The following AK3 variants were observed in gnomAD, a reference collection of about 807,000 sequenced individuals.
AK3 encodes GTP:AMP phosphotransferase AK3, mitochondrial.
A neutral mutation model predicts 23.7 loss-of-function variants in AK3; 27 were observed. The observed-to-expected ratio is 1.14, with a 90% CI of 0.84 to 1.57. The LOEUF (loss-of-function observed/expected upper bound fraction) is 1.57. Ranked by LOEUF, AK3 falls within the 40% of genes most tolerant of loss-of-function variation. The pLI is 0.00. For missense variants in AK3, 406 were observed against 285.6 expected (o/e 1.42, Z -3.04); for synonymous variants, 159 against 116.0 (o/e 1.37, Z -2.38).
chr9:4,723,858 G>A (rs1037274145), intron 1 of AK3, among the ~76,000 whole-genome samples: 16 of 151,938 alleles, frequency 1.1e-4, no homozygotes, highest in African/African-American at 3.9e-4. Flanking sequence ...ACTCCTCTTT[G>A]GGATTATTTC....
intron 1 of AK3, among the ~76,000 whole-genome samples, chr9:4,723,461 T>C (rs1462612427): frequency 6.6e-6 from 1 of 152,220 alleles, no homozygotes; most frequent in African/African-American, 2.4e-5. Flanking sequence ...ATGTTATATT[T>C]TTATTAACAA....
chr9:4,710,832 C>A lies in AK3; in HGVS notation c.*2144G>T, dbSNP rs1841543125. The A allele has an allele frequency of 6.6e-6, 1 of 152,038 alleles. No individual in the cohort carries two copies. Among genetic ancestry groups the A allele is most frequent in the African/African-American group, 2.4e-5 (1 of 41,378 alleles). 9.4% of individuals were successfully genotyped at this position (152,038 alleles called of 1,614,324 possible). On this transcript the variant is annotated 3_prime_UTR_variant, in exon 5 of 5. Transcript: ENST00000381809. ...GGCTGAGGTAGAAGAATTGCGTGAG[C>A]CCAGGAGTTCAACGTTACAGTGACC...
At chr9:4,723,663 A>C (rs1252443418) in intron 1 of AK3, among the ~76,000 whole-genome samples, 1 of 152,182 alleles carries the variant, frequency 6.6e-6, no homozygotes, top group African/African-American at 2.4e-5. Flanking sequence ...TTATTTAATA[A>C]ATACTTTTCG....
At chr9:4,741,345 CAAGCCGCG>C, upstream of AK3, 4 of 109,684 alleles carry the variant, frequency 3.6e-5, no homozygotes, top group Admixed American at 8.1e-4. Flanking sequence ...CCCAGCCGCG[CAAGCCGCG>C]CAAGCCGCGC....
At chr9:4,728,864 T>TACACACACACAC (rs1168147185) in intron 1 of AK3, among the ~76,000 whole-genome samples, 13 of 77,550 alleles carry the variant, frequency 1.7e-4, no homozygotes, top group African/African-American at 5.6e-4. Flanking sequence ...TATATATATA[T>TACACACACACAC]ATACACACAC....
At position 4,740,953 on chromosome 9, in the gene AK3, G is replaced by A; in HGVS notation, c.135C>T (p.Asn45=). The part of the protein sequence containing the change: ...HLSSGDLLRD[N]MLRGTEIGVL... ...AGCTCCCACCTGTGCCCCGCAGCAT[G>A]TTGTCCCGGAGCAGGTCCCCGCTGG... The change falls in exon 1 of 5, where the codon AAC becomes AAT. Residue 45 remains asparagine (N), a synonymous_variant. Coordinates refer to ENST00000381809, the MANE Select transcript of AK3 (RefSeq NM_016282.4). 2 of 1,573,862 alleles carry A rather than the reference G, an allele frequency of 1.3e-6. No individual in the cohort carries two copies. The highest frequency in any genetic ancestry group is 8.6e-7 in the Non-Finnish European group (1 of 1,162,316).
chr9:4,719,988 C>T (rs538350895), intron 2 of AK3, among the ~76,000 whole-genome samples: 21 of 152,220 alleles, frequency 1.4e-4, no homozygotes, highest in African/African-American at 4.6e-4. Flanking sequence ...CGCTTGAACC[C>T]GGGAGGGGAG....
At chr9:4,722,376 C>T (rs545310859) in intron 2 of AK3, 130 bp downstream of exon 2, 27 of 1,299,584 alleles carry the variant, frequency 2.1e-5, no homozygotes, top group Non-Finnish European at 2.8e-5. Flanking sequence ...TGACTGGTTT[C>T]AGGATAGTCC....
intron 1 of AK3, among the ~76,000 whole-genome samples, chr9:4,740,543 C>G (rs891412291): frequency 6.6e-6 from 1 of 152,186 alleles, no homozygotes; most frequent in Non-Finnish European, 1.5e-5. Context: ...ACAGAACGAG[C>G]AGACTCTAGC....
intron 4 of AK3, 67 bp downstream of exon 4, chr9:4,718,352 G>T (rs552206664): frequency 8.4e-7 from 1 of 1,186,956 alleles, no homozygotes; most frequent in Non-Finnish European, 1.3e-6. Context: ...AGCTGTAGAG[G>T]AAGGAAAATC....
rs1407810403 is a variant in AK3 at position 4,719,067 on chromosome 9, T to C, written c.444+68A>G. On this transcript the variant is annotated intron_variant, in intron 3 of 4. Coordinates refer to ENST00000381809, the MANE Select transcript of AK3 (RefSeq NM_016282.4). ...CAGAGGATTTCCAAGTTCACTCAACTTATGTCTGTTAGGGCAAGAGGACTC... is the reference window on the plus strand; with the variant it reads ...CAGAGGATTTCCAAGTTCACTCAACCTATGTCTGTTAGGGCAAGAGGACTC... The C allele has an allele frequency of 3.2e-6, 5 of 1,566,908 alleles. No individual in the cohort carries two copies. The East Asian group carries it at 1.1e-4, about 35-fold the overall frequency.
At position 4,732,488 on chromosome 9, in the gene AK3, T is replaced by C. The variant is rs367819891; in HGVS notation, c.151+8449A>G. Among the ~76,000 whole-genome samples, 28 of 152,246 alleles carry C rather than the reference T, an allele frequency of 1.8e-4. No homozygotes were observed. The East Asian group carries it at 5.0e-3, about 27-fold the overall frequency. On this transcript the variant is annotated intron_variant, in intron 1 of 4. Coordinates refer to ENST00000381809, the MANE Select transcript of AK3 (RefSeq NM_016282.4). ...TCAAGGCCAACTGTATTTCCTTTTT[T>C]GATTCAAAAGTTAACAAATTTGGGC...
chr9:4,731,111 G>C (rs1370548994), intron 1 of AK3, among the ~76,000 whole-genome samples: 2 of 152,084 alleles, frequency 1.3e-5, no homozygotes, highest in Non-Finnish European at 1.5e-5. Flanking sequence ...TATTGTTCTT[G>C]TTGTTGTTTT....
chr9:4,714,061 T>A (rs1841644647), intron 4 of AK3, among the ~76,000 whole-genome samples: 1 of 26,260 alleles, frequency 3.8e-5, no homozygotes, highest in African/African-American at 1.2e-4. Context: ...CACCTACACA[T>A]ATACACACCT....
Position 4,730,957 on chromosome 9 carries a change from G to A in AK3, c.152-8332C>T, listed in dbSNP as rs1294425177. Among the ~76,000 whole-genome samples, 6 of 151,106 alleles carry A rather than the reference G, an allele frequency of 4.0e-5. No individual in the cohort carries two copies. In the East Asian group the frequency reaches 1.2e-3, roughly 29 times the overall value. ...TAATTGCTCTGTGAACTTCCACTTT[G>A]ATAATTATGGACCCAGTTTCTGCTA... On this transcript the variant is annotated intron_variant, in intron 1 of 4. Coordinates refer to ENST00000381809, the MANE Select transcript of AK3 (RefSeq NM_016282.4).
chr9:4,711,478 T>C lies in AK3; in HGVS notation c.*1498A>G, dbSNP rs1841560468. Reference sequence around the variant, plus strand: ...ACCTTGGTTCATCTTGAAAGATCGATGAATTTTTTAAATATCAGAAGAAAA... The same window carrying C: ...ACCTTGGTTCATCTTGAAAGATCGACGAATTTTTTAAATATCAGAAGAAAA... On this transcript the variant is annotated 3_prime_UTR_variant, in exon 5 of 5. Coordinates refer to ENST00000381809, the MANE Select transcript of AK3 (RefSeq NM_016282.4). 6.6e-6 allele frequency: 1 copy of C among 152,636 alleles called. No individual in the cohort carries two copies. The highest frequency in any genetic ancestry group is 2.1e-4 in the South Asian group (1 of 4,832). 9.5% of individuals were successfully genotyped at this position (152,636 alleles called of 1,614,324 possible). A position where few individuals can be genotyped will look rare whatever the true frequency, so the allele number is the denominator to read the frequency against.
intron 1 of AK3, among the ~76,000 whole-genome samples, chr9:4,726,762 T>A (rs1397026490): frequency 2.0e-5 from 3 of 151,018 alleles, no homozygotes; most frequent in Non-Finnish European, 2.9e-5. Context: ...GAATGGCGCA[T>A]CCTTTCCCTA....
intron 1 of AK3, among the ~76,000 whole-genome samples, chr9:4,726,960 G>C (rs1842035280): frequency 6.6e-6 from 1 of 151,992 alleles, no homozygotes; most frequent in South Asian, 2.1e-4. Context: ...TACATCTCCA[G>C]CAGAGCTTTT....
chr9:4,731,912 C>T (rs998422892), intron 1 of AK3, among the ~76,000 whole-genome samples: 1 of 152,118 alleles, frequency 6.6e-6, no homozygotes, highest in Non-Finnish European at 1.5e-5. Context: ...TATGACGATC[C>T]ACTTCCATTT....
Sources: gnomAD v4.1 joint callset for allele counts (sites outside exome capture counted in the v4.1 genomes callset) on GRCh38, gnomAD v4.1.1 for gene constraint, MANE v1.5 for transcripts, NCBI Gene and HGNC (gene_info 2026-07-23, HGNC 2026-07-21) for gene names.